MYCBP2: variants seen among roughly 807,000 people sequenced by gnomAD.
MYCBP2 encodes the protein MYC binding protein 2.
In MYCBP2, 120 loss-of-function variants were observed where a neutral mutation model predicts 525.3. The ratio of observed to expected loss-of-function variants is 0.23; its 90% CI spans 0.20 to 0.27. MYCBP2 has a LOEUF of 0.27. Among genes scored for constraint, MYCBP2 ranks in the 10% least tolerant of loss-of-function variants. MYCBP2 has a pLI of 1.00. For synonymous variants in MYCBP2, 1,894 were observed against 1,955.8 expected (o/e 0.97, Z 0.83); for missense variants, 4,149 against 5,657.1 (o/e 0.73, Z 8.55).
chr13:77,189,258 A>C (rs571603897), intron 29 of MYCBP2, among the ~76,000 whole-genome samples: 1 of 152,254 alleles, frequency 6.6e-6, no homozygotes, highest in Admixed American at 6.5e-5. Flanking sequence ...CTACCTTCGC[A>C]AGACCGAGTA....
chr13:77,309,704 G>A (rs542511652), intron 1 of MYCBP2, among the ~76,000 whole-genome samples: 81 of 152,262 alleles, frequency 5.3e-4, no homozygotes, highest in African/African-American at 1.9e-3. Context: ...TACTGCAACT[G>A]TCTCTTTAAA....
chr13:77,072,370 T>C (rs544694372), intron 68 of MYCBP2, among the ~76,000 whole-genome samples: 5 of 139,426 alleles, frequency 3.6e-5, no homozygotes, highest in Non-Finnish European at 7.9e-5. Flanking sequence ...TGAATGAAAA[T>C]AAAAACAGAA....
chr13:77,070,549 AACAAACAAACAG>A, intron 69 of MYCBP2, 70 bp downstream of exon 69: 3 of 1,026,252 alleles, frequency 2.9e-6, no homozygotes, highest in South Asian at 1.6e-5. Context: ...ATACCCTAAT[AACAAACAAACAG>A]ACAAACAAAC....
Position 77,251,256 on chromosome 13 carries a change from T to C in MYCBP2, c.2276A>G (p.His759Arg). The change falls in exon 15 of 83, where the codon CAC becomes CGC. Residue 759 changes from histidine to arginine, a missense_variant. His to Arg is a conservative substitution (Grantham distance 29). Around this residue, in one of 21 missense-constraint regions of MYCBP2, gnomAD observed 620 missense variants for 795.5 expected, o/e 0.78. Coordinates refer to ENST00000544440, the MANE Select transcript of MYCBP2 (RefSeq NM_015057.5). ...CATGCACTGCTCCAGCTTCCATTTG[T>C]GCATGCCTGGAGGGCACATCATAGA... ...EKSMMCPPGM[H>R]KWKLEQCMVC... 2 of 1,614,214 alleles carry C rather than the reference T, an allele frequency of 1.2e-6. No individual in the cohort carries two copies. The highest frequency in any genetic ancestry group is 1.7e-6 in the Non-Finnish European group (2 of 1,180,024).
chr13:77,249,436 A>T (rs1338648850), intron 15 of MYCBP2, among the ~76,000 whole-genome samples: 1 of 152,238 alleles, frequency 6.6e-6, no homozygotes, highest in African/African-American at 2.4e-5. Context: ...ATTATAAATT[A>T]TGTAAGTCTC....
At chr13:77,131,352 A>G (rs1244414141) in intron 52 of MYCBP2, among the ~76,000 whole-genome samples, 1 of 152,130 alleles carries the variant, frequency 6.6e-6, no homozygotes, top group East Asian at 1.9e-4. Flanking sequence ...CCTCGTCTCT[A>G]CAAAATAATT....
chr13:77,062,687 G>A lies in MYCBP2; in HGVS notation c.12683C>T (p.Ala4228Val). 6.2e-7 allele frequency: 1 copy of A among 1,614,020 alleles called. No homozygotes were observed. Among genetic ancestry groups the A allele is most frequent in the South Asian group, 1.1e-5 (1 of 91,044 alleles). ...RCIATTRLWLALASLCVLDQD... is the reference protein window; with the variant it reads ...RCIATTRLWLVLASLCVLDQD... ...ATCAAGAACACATAGGGATGCGAGA[G>A]CAAGCCAGAGCTGTTGAAAGGGAAG... Residue 4228 changes from alanine (A) to valine (V), a missense_variant, in exon 74 of 83, where the codon GCT (alanine) becomes GTT (valine). Physicochemically the swap from Ala to Val is moderately conservative, Grantham distance 64 (BLOSUM62 0). Around this residue, in one of 21 missense-constraint regions of MYCBP2, gnomAD observed 220 missense variants for 396.0 expected, o/e 0.56. Coordinates refer to ENST00000544440, the MANE Select transcript of MYCBP2 (RefSeq NM_015057.5).
At chr13:77,108,140 T>A (rs2048138265) in intron 55 of MYCBP2, among the ~76,000 whole-genome samples, 1 of 152,182 alleles carries the variant, frequency 6.6e-6, no homozygotes. Flanking sequence ...ACTATGACAT[T>A]AATCCACATG....
chr13:77,198,193 C>A (rs1470948036), intron 26 of MYCBP2, among the ~76,000 whole-genome samples: 1 of 152,146 alleles, frequency 6.6e-6, no homozygotes, highest in Non-Finnish European at 1.5e-5. Context: ...TACTATTTTT[C>A]TTATTATCAA....
chr13:77,103,118 C>G, intron 55 of MYCBP2: 1 of 395,224 alleles, frequency 2.5e-6, no homozygotes, highest in Non-Finnish European at 4.5e-6. Flanking sequence ...AATGGAATGG[C>G]ATGAACATGA....
Position 77,326,240 on chromosome 13 carries a change from G to GACACACACACACACACAC in MYCBP2, c.302+216_302+233dup, listed in dbSNP as rs398023536. ...CACTATCCCCCCACATAGGCAGGCA[G>GACACACACACACACACAC]ACACACACACACACACACACACACA... On this transcript the variant is annotated intron_variant, in intron 1 of 82. Coordinates refer to ENST00000544440, the MANE Select transcript of MYCBP2 (RefSeq NM_015057.5). The surrounding 1 kb of genome is among the most constrained non-coding windows in gnomAD (Gnocchi z 4.2). 3.5e-4 allele frequency among the ~76,000 whole-genome samples: 45 copies of GACACACACACACACACAC among 127,876 alleles called. 1 individual carries two copies. Among genetic ancestry groups the GACACACACACACACACAC allele is most frequent in the African/African-American group, 1.0e-3 (34 of 33,698 alleles). 83.9% of individuals were successfully genotyped at this position (127,876 alleles called of 152,430 possible). A position where few individuals can be genotyped will look rare whatever the true frequency, so the allele number is the denominator to read the frequency against.
At chr13:77,190,362 AAAC>A in intron 28 of MYCBP2, 27 bp from the exon 29 acceptor site, 1 of 1,318,092 alleles carries the variant, frequency 7.6e-7, no homozygotes, top group Non-Finnish European at 1.1e-6. Flanking sequence ...ATGATACCAA[AAAC>A]AACATGATCA....
chr13:77,189,571 A>G (rs2061096833), intron 29 of MYCBP2, among the ~76,000 whole-genome samples: 1 of 152,138 alleles, frequency 6.6e-6, no homozygotes, highest in African/African-American at 2.4e-5. Context: ...GTTCTAGACC[A>G]TTTCCTTTGA....
In MYCBP2 at chr13:77,274,681, C is replaced by T. The variant is rs550250859; in HGVS notation, c.749-1013G>A. On this transcript the variant is annotated intron_variant, in intron 4 of 82. Coordinates refer to ENST00000544440, the MANE Select transcript of MYCBP2 (RefSeq NM_015057.5). ...TTCCTAATGGATAACTCCACTTTTC[C>T]CTATCTCATCATCATCTTTCCAATC... is the stretch of plus-strand genomic sequence containing the variant. Among the ~76,000 whole-genome samples the T allele has an allele frequency of 2.6e-4, 39 of 152,178 alleles. No homozygotes were observed. In the South Asian group the frequency reaches 7.7e-3, roughly 30 times the overall value.
At chr13:77,298,535 G>A (rs576353157) in intron 1 of MYCBP2, among the ~76,000 whole-genome samples, 14 of 152,322 alleles carry the variant, frequency 9.2e-5, no homozygotes, top group African/African-American at 3.1e-4. Context: ...TATTTTAAGA[G>A]AAAGAGAAAG....
rs2055211650 is a variant in MYCBP2, at chr13:77,144,550, T to C, written c.7198A>G (p.Asn2400Asp). The C allele has an allele frequency of 2.5e-6, 4 of 1,609,514 alleles. No homozygotes were observed. The highest frequency in any genetic ancestry group is 3.4e-6 in the Non-Finnish European group (4 of 1,176,030). Residue 2400 changes from asparagine (N) to aspartate (D), a missense_variant, in exon 49 of 83, where the codon AAT (asparagine) becomes GAT (aspartate). By Grantham distance (23) the Asn-to-Asp change is conservative (BLOSUM62 1). This residue lies in a region of MYCBP2 where 692 missense variants were observed against 852.7 expected (regional missense o/e 0.81). Transcript: ENST00000544440. ...TCATTATTGACACGGATCAGCATATTCTCACTGGGTCTGAAAAGAAATAAG... is the reference window on the plus strand; with the variant it reads ...TCATTATTGACACGGATCAGCATATCCTCACTGGGTCTGAAAAGAAATAAG... ...ASPTPKRPSE[N>D]MLIRVNNDGT...
chr13:77,189,900 C>T (rs2154257060), intron 29 of MYCBP2, among the ~76,000 whole-genome samples: 1 of 152,222 alleles, frequency 6.6e-6, no homozygotes, highest in South Asian at 2.1e-4. Context: ...TCCTCCCCAT[C>T]TTCCCTGCAA....
At chr13:77,070,328 G>A (rs866554265) in intron 69 of MYCBP2, among the ~76,000 whole-genome samples, 17 of 152,148 alleles carry the variant, frequency 1.1e-4, no homozygotes, top group Middle Eastern at 3.2e-3. Context: ...ACCTGCAGCC[G>A]GGGGACTGCC....
At chr13:77,082,257 C>A in intron 63 of MYCBP2, 6 of 320,764 alleles carry the variant, frequency 1.9e-5, no homozygotes, top group Non-Finnish European at 2.9e-5. Context: ...ATCAAGGCTA[C>A]AGAAGCAAAA....
Sources: allele counts gnomAD v4.1 joint callset (sites outside exome capture counted in the v4.1 genomes callset), GRCh38; gene constraint gnomAD v4.1.1; regional missense constraint gnomAD v4.1.1; non-coding constraint Gnocchi (gnomAD v3.1); transcripts MANE v1.5; gene names NCBI Gene and HGNC (gene_info 2026-07-23, HGNC 2026-07-21).